Variants in KCNIP1 observed in about 807,000 individuals in gnomAD.
KCNIP1 encodes A-type potassium channel modulatory protein KCNIP1.
A neutral mutation model predicts 33.0 loss-of-function variants in KCNIP1; 18 were observed. That is an observed-to-expected ratio of 0.55 (90% CI 0.38 to 0.81). KCNIP1 has a LOEUF of 0.81. Ranked by LOEUF, KCNIP1 falls within the 30% of genes least tolerant of loss-of-function variation. The pLI is 0.00. For synonymous variants in KCNIP1, 93 were observed against 98.3 expected (o/e 0.95, Z 0.32); for missense variants, 238 against 271.6 (o/e 0.88, Z 0.87).
upstream of KCNIP1, among the ~76,000 whole-genome samples, chr5:170,500,643 T>C (rs975685926): frequency 2.0e-5 from 3 of 152,228 alleles, no homozygotes; most frequent in Non-Finnish European, 2.9e-5. Context: ...TCTTTCTCTC[T>C]TGCCCCTCAC....
At chr5:170,724,942 A>G (rs1442983896) in intron 5 of KCNIP1, among the ~76,000 whole-genome samples, 3 of 152,232 alleles carry the variant, frequency 2.0e-5, no homozygotes, top group Non-Finnish European at 2.9e-5. Context: ...CCCAGCAGGT[A>G]TTTTGTAGCA....
intron 1 of KCNIP1, among the ~76,000 whole-genome samples, chr5:170,660,376 A>C (rs1243194419): frequency 2.6e-5 from 4 of 151,176 alleles, no homozygotes; most frequent in African/African-American, 9.9e-5. Context: ...TTTTATAAAA[A>C]AAAAAAAAAA....
chr5:170,705,915 A>G (rs1763242377), intron 1 of KCNIP1, among the ~76,000 whole-genome samples: 1 of 152,224 alleles, frequency 6.6e-6, no homozygotes, highest in Admixed American at 6.5e-5. Flanking sequence ...AGCACCTACT[A>G]TGCATGTAGA....
chr5:170,514,339 ACT>A (rs1470192953), intron 1 of KCNIP1, among the ~76,000 whole-genome samples: 2 of 151,882 alleles, frequency 1.3e-5, no homozygotes, highest in African/African-American at 4.8e-5. Flanking sequence ...CCCATGTATG[ACT>A]CTCCCAGATG....
chr5:170,468,729 C>A (rs893448383), intron 1 of KCNIP1, among the ~76,000 whole-genome samples: 26 of 151,390 alleles, frequency 1.7e-4, no homozygotes, highest in Admixed American at 3.9e-4. Context: ...AAAAAAAAAA[C>A]CACACAAAAA....
At chr5:170,359,431 T>C (rs192019552) in intron 1 of KCNIP1, among the ~76,000 whole-genome samples, 115 of 152,246 alleles carry the variant, frequency 7.6e-4, no homozygotes, top group African/African-American at 2.6e-3. Context: ...ACCTGTCCCA[T>C]GAAAAGCTAA....
At chr5:170,396,959 G>A (rs1392388729) in intron 1 of KCNIP1, among the ~76,000 whole-genome samples, 1 of 152,098 alleles carries the variant, frequency 6.6e-6, no homozygotes, top group African/African-American at 2.4e-5. Context: ...TATAGTTTGG[G>A]GTTAAAATAC....
At chr5:170,557,023 C>G (rs1169093978) in intron 1 of KCNIP1, among the ~76,000 whole-genome samples, 1 of 152,152 alleles carries the variant, frequency 6.6e-6, no homozygotes, top group African/African-American at 2.4e-5. Context: ...TGAACAGGTC[C>G]CTTAGCCTCC....
chr5:170,538,161 T>C (rs1171888956), intron 1 of KCNIP1, among the ~76,000 whole-genome samples: 1 of 152,170 alleles, frequency 6.6e-6, no homozygotes, highest in Non-Finnish European at 1.5e-5. Flanking sequence ...CCTTAATGAC[T>C]ATCCTCATGC....
chr5:170,426,045 G>C (rs1050749630), intron 1 of KCNIP1, among the ~76,000 whole-genome samples: 2 of 152,150 alleles, frequency 1.3e-5, no homozygotes, highest in African/African-American at 4.8e-5. Flanking sequence ...GATTATTCCT[G>C]GAGGCCCAGC....
intron 5 of KCNIP1, among the ~76,000 whole-genome samples, chr5:170,729,413 C>T (rs1006786887): frequency 3.9e-5 from 6 of 152,002 alleles, no homozygotes; most frequent in African/African-American, 1.4e-4. Flanking sequence ...TCATATTCAT[C>T]GTGCTTATCT....
chr5:170,481,481 A>G (rs1289766725), intron 1 of KCNIP1, among the ~76,000 whole-genome samples: 2 of 152,210 alleles, frequency 1.3e-5, no homozygotes, highest in Non-Finnish European at 2.9e-5. Context: ...TAGTGTTCCC[A>G]GTTTAGCGTG....
At chr5:170,631,283 C>A (rs185825963) in intron 1 of KCNIP1, among the ~76,000 whole-genome samples, 2 of 152,134 alleles carry the variant, frequency 1.3e-5, no homozygotes, top group African/African-American at 2.4e-5. Flanking sequence ...CAGCTGTGGG[C>A]AGAAAACCAA....
chr5:170,599,331 T>C (rs1034980132), intron 1 of KCNIP1, among the ~76,000 whole-genome samples: 25 of 152,108 alleles, frequency 1.6e-4, no homozygotes, highest in African/African-American at 5.8e-4. Flanking sequence ...GTCTGGGGCC[T>C]CTCATCCAGA....
intron 1 of KCNIP1, among the ~76,000 whole-genome samples, chr5:170,373,427 T>C (rs1040376414): frequency 2.0e-5 from 3 of 152,216 alleles, no homozygotes; most frequent in Admixed American, 6.5e-5. Flanking sequence ...AGGACCCTTT[T>C]ACATGCTTAA....
chr5:170,426,129 G>A (rs1446590647), intron 1 of KCNIP1, among the ~76,000 whole-genome samples: 3 of 152,038 alleles, frequency 2.0e-5, no homozygotes, highest in Non-Finnish European at 4.4e-5. Context: ...CTTCTTCCTC[G>A]AACCACTGAC....
At chr5:170,572,184 G>T (rs1176235408) in intron 1 of KCNIP1, among the ~76,000 whole-genome samples, 7 of 152,182 alleles carry the variant, frequency 4.6e-5, no homozygotes, top group Non-Finnish European at 1.0e-4. Flanking sequence ...TTCAAGAGGA[G>T]CTGGAAATCG....
chr5:170,521,689 A>G (rs1755368834), intron 1 of KCNIP1, among the ~76,000 whole-genome samples: 1 of 152,242 alleles, frequency 6.6e-6, no homozygotes, highest in Non-Finnish European at 1.5e-5. Flanking sequence ...GTGTTTGAAT[A>G]TAAATTTGAA....
intron 1 of KCNIP1, among the ~76,000 whole-genome samples, chr5:170,647,573 TAA>T (rs56845440): frequency 7.1e-5 from 10 of 141,820 alleles, no homozygotes; most frequent in Admixed American, 4.2e-4. Context: ...CCATCCACAT[TAA>T]AAAAAAAAAA....
Sources: allele counts gnomAD v4.1 joint callset (sites outside exome capture counted in the v4.1 genomes callset), GRCh38; gene constraint gnomAD v4.1.1; transcripts MANE v1.5; gene names NCBI Gene and HGNC (gene_info 2026-07-23, HGNC 2026-07-21).